Variants in HMCN2 observed in about 807,000 individuals in gnomAD.
HMCN2 encodes the protein hemicentin 2.
HMCN2 carries 325 observed loss-of-function variants against 377.5 expected under a neutral mutation model. The ratio of observed to expected loss-of-function variants is 0.86; its 90% CI spans 0.79 to 0.94. HMCN2 has a LOEUF of 0.94. Among genes scored for constraint, HMCN2 ranks in the 40% least tolerant of loss-of-function variants. The pLI is 0.00. For synonymous variants in HMCN2, 2,007 were observed against 2,046.8 expected (o/e 0.98, Z 0.53); for missense variants, 4,543 against 4,725.3 (o/e 0.96, Z 1.13).
chr9:130,354,373 C>T lies in HMCN2; in HGVS notation c.4865-390C>T, dbSNP rs189490475. Among the ~76,000 whole-genome samples the T allele has an allele frequency of 8.9e-4, 136 of 152,310 alleles. 1 individual carries two copies. The highest frequency in any genetic ancestry group is 2.1e-3 in the Admixed American group (32 of 15,310). On this transcript the variant is annotated intron_variant, in intron 31 of 97. Transcript: ENST00000683500. Reference sequence around the variant, plus strand: ...TGCCCCAGTCTTCTGCCTCCTGAGACCAGGGAGGGAGGGGACTTCCAGGAG... The same window carrying T: ...TGCCCCAGTCTTCTGCCTCCTGAGATCAGGGAGGGAGGGGACTTCCAGGAG...
At chr9:130,344,363 G>A (rs1839226119) in intron 25 of HMCN2, among the ~76,000 whole-genome samples, 1 of 150,220 alleles carries the variant, frequency 6.7e-6, no homozygotes, top group African/African-American at 2.5e-5. Context: ...GTAGTATGTG[G>A]TGTGTGTGTG....
At position 130,368,446 on chromosome 9, in the gene HMCN2, G is replaced by A; in HGVS notation, c.6787+9G>A. The A allele has an allele frequency of 1.0e-6, 1 of 986,158 alleles. No homozygotes were observed. Among genetic ancestry groups the A allele is most frequent in the Non-Finnish European group, 1.2e-6 (1 of 830,196 alleles). 61.1% of individuals were successfully genotyped at this position (986,158 alleles called of 1,614,324 possible). A position where few individuals can be genotyped will look rare whatever the true frequency, so the allele number is the denominator to read the frequency against. ...GCAGCTGGAGGTGCACGGTGGGTGAGCTGGGCGGGGGCTGGAAGGGTCTGG... is the reference window on the plus strand; with the variant it reads ...GCAGCTGGAGGTGCACGGTGGGTGAACTGGGCGGGGGCTGGAAGGGTCTGG... On this transcript the variant is annotated intron_variant, in intron 44 of 97. Transcript: ENST00000683500.
In HMCN2 at chr9:130,394,919, G is replaced by C. The variant is rs540739359; in HGVS notation, c.10693-108G>C. The C allele has an allele frequency of 3.0e-6, 2 of 673,882 alleles. No individual in the cohort carries two copies. The highest frequency in any genetic ancestry group is 1.7e-5 in the South Asian group (1 of 58,768). The allele number at this position is 673,882 out of a possible 1,614,324, so 41.7% of individuals were successfully genotyped here. On this transcript the variant is annotated intron_variant, in intron 69 of 97. Transcript: ENST00000683500. The surrounding 1 kb of genome is among the most constrained non-coding windows in gnomAD (Gnocchi z 5.1). ...GGCTGGGAGGTGGATGGCAGACCTC[G>C]CAGGGCTGAGTTTGAATCCTGGGTC...
At chr9:130,284,700 A>C (rs1554926968) in intron 2 of HMCN2, 27 bp downstream of exon 2, 1 of 470,540 alleles carries the variant, frequency 2.1e-6, no homozygotes, top group Non-Finnish European at 4.4e-6. Context: ...CCTCTGTCCC[A>C]CTCTTTCCAG....
intron 8 of HMCN2, among the ~76,000 whole-genome samples, chr9:130,300,715 T>C (rs1242681525): frequency 6.6e-6 from 1 of 152,266 alleles, no homozygotes; most frequent in Non-Finnish European, 1.5e-5. Context: ...CAGGTCACTT[T>C]GTCCTCCAAT....
At chr9:130,331,583 G>A (rs986570763) in intron 22 of HMCN2, among the ~76,000 whole-genome samples, 10 of 151,886 alleles carry the variant, frequency 6.6e-5, no homozygotes, top group Non-Finnish European at 1.3e-4. Flanking sequence ...CAGCTCGCCC[G>A]GTGACCTCAA....
intron 15 of HMCN2, among the ~76,000 whole-genome samples, chr9:130,312,539 CCTTTCTTTCTTTCTTTCTTTCTTTCTTT>C (rs1187968109): frequency 9.0e-4 from 6 of 6,632 alleles, no homozygotes; most frequent in Non-Finnish European, 1.9e-3. Flanking sequence ...CTCCCTCCCT[CCTTTCTTTCTTTCTTTCTTTCTTTCTTT>C]CTTTCTTTCT....
Position 130,433,530 on chromosome 9 carries a change from G to C in HMCN2, c.15077G>C (p.Arg5026Pro). 6.8e-7 allele frequency: 1 copy of C among 1,476,006 alleles called. No homozygotes were observed. The highest frequency in any genetic ancestry group is 1.3e-5 in the South Asian group (1 of 75,434). 91.4% of individuals were successfully genotyped at this position (1,476,006 alleles called of 1,614,324 possible). Residue 5026 changes from arginine (R) to proline (P), a missense_variant, in exon 98 of 98, where the codon CGC becomes CCC. Transcript: ENST00000683500. ...TELSMLEPDP[R>P]SPFALRPLRA... ...CTCAGCATGCTGGAGCCCGACCCCC[G>C]CAGCCCCTTCGCGCTGCGTCCGCTG...
At chr9:130,266,340 G>A (rs577790751) in intron 1 of HMCN2, among the ~76,000 whole-genome samples, 1 of 151,134 alleles carries the variant, frequency 6.6e-6, no homozygotes, top group East Asian at 2.0e-4. Flanking sequence ...CCACCCCCCT[G>A]GAACATTCCC....
At position 130,360,609 on chromosome 9, in the gene HMCN2, G is replaced by C; in HGVS notation, c.5950+5G>C. ...GGTATGGCCTACGGGTCAATGGTGA[G>C]CTTCCCTGGGCCTACAAGGTCCCTT... On this transcript the variant is annotated splice_donor_5th_base_variant and intron_variant, in intron 38 of 97. Coordinates refer to ENST00000683500, the MANE Select transcript of HMCN2 (RefSeq NM_001291815.2). The surrounding 1 kb of genome is among the most constrained non-coding windows in gnomAD (Gnocchi z 4.7). 1 of 1,275,278 alleles carries C rather than the reference G, an allele frequency of 7.8e-7. No homozygotes were observed. Among genetic ancestry groups the C allele is most frequent in the Non-Finnish European group, 1.0e-6 (1 of 971,434 alleles). 79.0% of individuals were successfully genotyped at this position (1,275,278 alleles called of 1,614,324 possible).
intron 85 of HMCN2, 117 bp downstream of exon 85, chr9:130,410,769 T>C: frequency 2.4e-6 from 2 of 832,500 alleles, no homozygotes; most frequent in East Asian, 2.7e-5. Context: ...TCATTAATAC[T>C]TACTTGGAAC....
At chr9:130,405,830 G>A (rs1843062341) in intron 81 of HMCN2, 125 bp from the exon 82 acceptor site, 1 of 619,622 alleles carries the variant, frequency 1.6e-6, no homozygotes, top group Admixed American at 3.2e-5. Context: ...CTAGCTGTGT[G>A]ACCTTGGGCA....
chr9:130,425,660 C>CCACCACCCCACCA, intron 89 of HMCN2, 27 bp from the exon 90 acceptor site: 1 of 1,169,720 alleles, frequency 8.5e-7, no homozygotes, highest in Non-Finnish European at 1.2e-6. Flanking sequence ...CACCCCTCCT[C>CCACCACCCCACCA]CTCCTCCCCT....
At position 130,349,109 on chromosome 9, in the gene HMCN2, G is replaced by C; in HGVS notation, c.4281G>C (p.Arg1427Ser). ...RAENQAGTAQRDFHLLVLTPP... is the reference protein window; with the variant it reads ...RAENQAGTAQSDFHLLVLTPP... ...AGAACCAGGCTGGCACCGCCCAGAGGGACTTCCATCTCCTTGTGCTCAGTG... is the reference window on the plus strand; with the variant it reads ...AGAACCAGGCTGGCACCGCCCAGAGCGACTTCCATCTCCTTGTGCTCAGTG... Residue 1427 changes from arginine to serine, a missense_variant, in exon 28 of 98, where the codon AGG becomes AGC. Around this residue, in one of 5 missense-constraint regions of HMCN2, gnomAD observed 1,032 missense variants for 1,285.1 expected, o/e 0.80. Coordinates refer to ENST00000683500, the MANE Select transcript of HMCN2 (RefSeq NM_001291815.2). The C allele has an allele frequency of 7.7e-7, 1 of 1,304,180 alleles. No homozygotes were observed. The highest frequency in any genetic ancestry group is 1.0e-6 in the Non-Finnish European group (1 of 988,928). The allele number at this position is 1,304,180 out of a possible 1,614,324, so 80.8% of individuals were successfully genotyped here. A position where few individuals can be genotyped will look rare whatever the true frequency, so the allele number is the denominator to read the frequency against.
chr9:130,349,405 TG>T, intron 28 of HMCN2, 131 bp from the exon 29 acceptor site: 2 of 1,082,278 alleles, frequency 1.8e-6, no homozygotes, highest in Non-Finnish European at 2.4e-6. Flanking sequence ...GCCAGGGTTT[TG>T]GGGGGCTTCC....
At chr9:130,427,459 C>G in intron 91 of HMCN2, 38 bp from the exon 92 acceptor site, 1 of 1,550,226 alleles carries the variant, frequency 6.5e-7, no homozygotes, top group Non-Finnish European at 8.7e-7. Flanking sequence ...GGCAGGAGGG[C>G]CTGGGAGCGG....
intron 4 of HMCN2, among the ~76,000 whole-genome samples, chr9:130,293,144 A>G (rs1408251316): frequency 6.6e-6 from 1 of 152,040 alleles, no homozygotes; most frequent in South Asian, 2.1e-4. Context: ...TGTCTCTTAC[A>G]TTTGTTTATA....
At chr9:130,296,943 C>T in intron 7 of HMCN2, 149 bp downstream of exon 7, 3 of 367,028 alleles carry the variant, frequency 8.2e-6, no homozygotes, top group South Asian at 6.0e-5. Flanking sequence ...GGACTGTGCT[C>T]CCAGACCACA....
chr9:130,356,451 A>G (rs796272306), intron 34 of HMCN2, among the ~76,000 whole-genome samples, 194 bp downstream of exon 34: 2 of 152,146 alleles, frequency 1.3e-5, no homozygotes, highest in African/African-American at 2.4e-5. Flanking sequence ...ACTTATCCTC[A>G]GTCCTGACCA....
Sources: gnomAD v4.1 joint callset for allele counts (sites outside exome capture counted in the v4.1 genomes callset) on GRCh38, gnomAD v4.1.1 for gene constraint, gnomAD v4.1.1 regional missense constraint, Gnocchi (gnomAD v3.1) non-coding constraint, MANE v1.5 for transcripts, NCBI Gene and HGNC (gene_info 2026-07-23, HGNC 2026-07-21) for gene names.